Variants in HMGB1 observed in about 807,000 individuals in gnomAD.
The protein encoded by HMGB1 is high mobility group protein B1.
For synonymous variants in HMGB1, 81 were observed against 84.0 expected (o/e 0.96, Z 0.19); for missense variants, 79 against 253.5 (o/e 0.31, Z 4.67).
intron 1 of HMGB1, among the ~76,000 whole-genome samples, chr13:30,538,785 C>CTTTTTCTTTCTTCCT (rs1868713305): frequency 2.1e-5 from 1 of 47,858 alleles, no homozygotes; most frequent in African/African-American, 7.8e-5. Context: ...TTCCTTCTTT[C>CTTTTTCTTTCTTCCT]TTTTTCTTTC....
chr13:30,546,303 A>G (rs1415612775), intron 1 of HMGB1, among the ~76,000 whole-genome samples: 1 of 152,074 alleles, frequency 6.6e-6, no homozygotes, highest in Admixed American at 6.5e-5. Flanking sequence ...TTTAGTAGAG[A>G]CGGGGTTTCA....
chr13:30,474,946 C>CTTTTTTT (rs1887040770), intron 1 of HMGB1, among the ~76,000 whole-genome samples: 1 of 39,340 alleles, frequency 2.5e-5, no homozygotes, highest in Non-Finnish European at 4.8e-5. Flanking sequence ...TTTTTTTTTT[C>CTTTTTTT]TTTTCTTTTT....
intron 1 of HMGB1, among the ~76,000 whole-genome samples, chr13:30,536,094 C>G (rs1047438702): frequency 6.6e-6 from 1 of 152,104 alleles, no homozygotes; most frequent in Non-Finnish European, 1.5e-5. Flanking sequence ...TTAAAGTGTA[C>G]TTAAAGGTTT....
intron 1 of HMGB1, among the ~76,000 whole-genome samples, chr13:30,537,212 A>T (rs549755073): frequency 3.3e-5 from 5 of 152,168 alleles, no homozygotes; most frequent in African/African-American, 1.2e-4. Context: ...GTCTTAAGTT[A>T]TTCTGTCTTG....
intron 1 of HMGB1, among the ~76,000 whole-genome samples, chr13:30,611,686 C>T (rs574151594): frequency 7.3e-4 from 111 of 152,212 alleles, no homozygotes; most frequent in African/African-American, 1.7e-3. Flanking sequence ...AACGTTTCTA[C>T]TTCTCTTTAG....
At chr13:30,569,802 A>G (rs1870351062) in intron 1 of HMGB1, among the ~76,000 whole-genome samples, 1 of 152,212 alleles carries the variant, frequency 6.6e-6, no homozygotes, top group African/African-American at 2.4e-5. Flanking sequence ...ATTAGATAAA[A>G]AATGTAAATA....
intron 1 of HMGB1, among the ~76,000 whole-genome samples, chr13:30,602,438 T>A (rs1045792694): frequency 6.6e-6 from 1 of 152,214 alleles, no homozygotes; most frequent in African/African-American, 2.4e-5. Context: ...GCAGCATTTG[T>A]TACACAAAAT....
At chr13:30,592,808 T>C (rs1189776245) in intron 1 of HMGB1, among the ~76,000 whole-genome samples, 1 of 151,962 alleles carries the variant, frequency 6.6e-6, no homozygotes, top group Non-Finnish European at 1.5e-5. Context: ...AATTTTACTA[T>C]TTACCTGTGA....
At chr13:30,499,887 A>G (rs1186324428) in intron 1 of HMGB1, among the ~76,000 whole-genome samples, 1 of 152,206 alleles carries the variant, frequency 6.6e-6, no homozygotes, top group Non-Finnish European at 1.5e-5. Context: ...CTGTCTGTCA[A>G]TCATCCTAGA....
chr13:30,506,874 A>G (rs1471725698), intron 1 of HMGB1, among the ~76,000 whole-genome samples: 1 of 151,898 alleles, frequency 6.6e-6, no homozygotes, highest in African/African-American at 2.4e-5. Flanking sequence ...TATTTCTCCC[A>G]CACCCCTAGT....
chr13:30,465,522 G>A (rs1394923158), intron 1 of HMGB1, among the ~76,000 whole-genome samples: 14 of 149,642 alleles, frequency 9.4e-5, no homozygotes, highest in Admixed American at 9.3e-4. Flanking sequence ...TTTTTTTTGC[G>A]CCAGTCAGCG....
chr13:30,524,620 T>C (rs1311464839), intron 1 of HMGB1, among the ~76,000 whole-genome samples: 2 of 151,852 alleles, frequency 1.3e-5, no homozygotes, highest in Non-Finnish European at 1.5e-5. Flanking sequence ...GAGGCAGAGG[T>C]TGCAGTGAAC....
In HMGB1 at chr13:30,459,890, G is replaced by A. The variant is rs1219656983; in HGVS notation, c.*1467C>T. On this transcript the variant is annotated 3_prime_UTR_variant, in exon 5 of 5. Transcript: ENST00000341423. ...ATTATTAGTTTATTAGTATCATCCAGGACTCAGATGTTCAGTATTCCTCCT... is the reference window on the plus strand; with the variant it reads ...ATTATTAGTTTATTAGTATCATCCAAGACTCAGATGTTCAGTATTCCTCCT... 6.6e-6 allele frequency: 1 copy of A among 152,476 alleles called. No individual in the cohort carries two copies. The highest frequency in any genetic ancestry group is 2.4e-5 in the African/African-American group (1 of 41,404). The allele number at this position is 152,476 out of a possible 1,614,324, so 9.4% of individuals were successfully genotyped here.
intron 1 of HMGB1, among the ~76,000 whole-genome samples, chr13:30,614,520 A>G (rs1033259404): frequency 6.6e-6 from 1 of 152,124 alleles, no homozygotes; most frequent in South Asian, 2.1e-4. Context: ...AGATATTCCA[A>G]TATCAAGTTT....
intron 1 of HMGB1, among the ~76,000 whole-genome samples, chr13:30,516,516 T>C (rs1176521927): frequency 1.3e-5 from 2 of 152,264 alleles, no homozygotes; most frequent in Non-Finnish European, 1.5e-5. Flanking sequence ...ATTTTTTTTA[T>C]ATAAGAGGTT....
At chr13:30,589,036 G>GT (rs1336897387) in intron 1 of HMGB1, among the ~76,000 whole-genome samples, 4 of 142,512 alleles carry the variant, frequency 2.8e-5, no homozygotes, top group African/African-American at 5.3e-5. Context: ...ACGGAGTCTT[G>GT]CTCTTGTTGC....
rs1040638894 is a variant in HMGB1 at position 30,459,259 on chromosome 13, C to T, written c.*2098G>A. On this transcript the variant is annotated 3_prime_UTR_variant, in exon 5 of 5. Coordinates refer to ENST00000341423, the MANE Select transcript of HMGB1 (RefSeq NM_002128.7). ...GATACTGTTAGAACACCAAACCATACTAATCTTCAGATTGAAGAGGGGTTT... is the reference window on the plus strand; with the variant it reads ...GATACTGTTAGAACACCAAACCATATTAATCTTCAGATTGAAGAGGGGTTT... 1.3e-5 allele frequency: 2 copies of T among 152,114 alleles called. No homozygotes were observed. Among genetic ancestry groups the T allele is most frequent in the African/African-American group, 4.8e-5 (2 of 41,410 alleles). The allele number at this position is 152,114 out of a possible 1,614,324, so 9.4% of individuals were successfully genotyped here.
intron 1 of HMGB1, among the ~76,000 whole-genome samples, chr13:30,475,621 G>A (rs1053602678): frequency 4.6e-5 from 7 of 151,942 alleles, no homozygotes; most frequent in Non-Finnish European, 7.4e-5. Context: ...GATTGTTTGA[G>A]CCCGGGAGTT....
At chr13:30,474,597 G>A (rs1887022396) in intron 1 of HMGB1, among the ~76,000 whole-genome samples, 1 of 152,046 alleles carries the variant, frequency 6.6e-6, no homozygotes, top group Non-Finnish European at 1.5e-5. Flanking sequence ...TTCGGTCAAA[G>A]CGGTGTTTTA....
Sources: allele counts gnomAD v4.1 joint callset (sites outside exome capture counted in the v4.1 genomes callset), GRCh38; gene constraint gnomAD v4.1.1; transcripts MANE v1.5; gene names NCBI Gene and HGNC (gene_info 2026-07-23, HGNC 2026-07-21).